ANK2: variants seen among roughly 807,000 people sequenced by gnomAD.
ANK2 encodes ankyrin-2.
ANK2 carries 83 observed loss-of-function variants against 360.5 expected under a neutral mutation model. The ratio of observed to expected loss-of-function variants is 0.23; its 90% CI spans 0.19 to 0.28. The LOEUF is 0.28. Among genes scored for constraint, ANK2 ranks in the 10% least tolerant of loss-of-function variants. ANK2 has a pLI of 1.00. For missense variants in ANK2, 4,201 were observed against 4,795.7 expected (o/e 0.88, Z 3.66); for synonymous variants, 1,740 against 1,759.5 (o/e 0.99, Z 0.28).
At chr4:112,732,186 C>T in the ANK2 span, among the ~76,000 whole-genome samples, 1 of 151,600 alleles carries the variant, frequency 6.6e-6, no homozygotes. Context: ...CTCACAATGA[C>T]TATAAAATGG....
At position 113,382,925 on chromosome 4, in the gene ANK2, C is replaced by T. The variant is rs892813214; in HGVS notation, c.*1454C>T. ...CATTTGTGCACTTCTGTTTGTTTGT[C>T]TCAAAGAAGGGACTGTAACAATCTG... On this transcript the variant is annotated 3_prime_UTR_variant, in exon 46 of 46. Coordinates refer to ENST00000357077, the MANE Select transcript of ANK2 (RefSeq NM_001148.6). 1 of 152,546 alleles carries T rather than the reference C, an allele frequency of 6.6e-6. No individual in the cohort carries two copies. The highest frequency in any genetic ancestry group is 1.5e-5 in the Non-Finnish European group (1 of 68,026). The allele number at this position is 152,546 out of a possible 1,614,324, so 9.4% of individuals were successfully genotyped here. A position where few individuals can be genotyped will look rare whatever the true frequency, so the allele number is the denominator to read the frequency against.
intron 9 of ANK2, among the ~76,000 whole-genome samples, chr4:113,245,364 A>G (rs900090142): frequency 2.0e-5 from 3 of 152,214 alleles, no homozygotes; most frequent in Non-Finnish European, 4.4e-5. Context: ...TGTTTATATT[A>G]ATTAGTTCTC....
chr4:112,954,704 T>C (rs192202314), intron 2 of ANK2, among the ~76,000 whole-genome samples: 1 of 152,324 alleles, frequency 6.6e-6, no homozygotes, highest in Admixed American at 6.5e-5. Context: ...ACAAGGTCTT[T>C]TTAAATTAGA....
chr4:113,135,521 C>CTGTGTGTGTGTGTG (rs72311638), intron 1 of ANK2, among the ~76,000 whole-genome samples: 1 of 148,134 alleles, frequency 6.8e-6, no homozygotes, highest in East Asian at 2.0e-4. Flanking sequence ...GTGTGTGTCT[C>CTGTGTGTGTGTGTG]TCTGTGTGTG....
chr4:112,897,050 G>A (rs980040211), intron 1 of ANK2, among the ~76,000 whole-genome samples: 1 of 152,092 alleles, frequency 6.6e-6, no homozygotes, highest in African/African-American at 2.4e-5. Flanking sequence ...TTTTCCAGCT[G>A]GTGATCTGAC....
intron 1 of ANK2, among the ~76,000 whole-genome samples, chr4:113,158,575 G>A (rs1244962856): frequency 6.6e-6 from 1 of 152,154 alleles, no homozygotes; most frequent in Non-Finnish European, 1.5e-5. Flanking sequence ...ATGCCACAGG[G>A]TTTTAAGGTA....
At chr4:113,153,429 T>C (rs2097165701) in intron 1 of ANK2, among the ~76,000 whole-genome samples, 1 of 152,126 alleles carries the variant, frequency 6.6e-6, no homozygotes, top group Non-Finnish European at 1.5e-5. Context: ...TGAAAACCAC[T>C]GGTTGTTACA....
At chr4:112,870,376 C>T (rs928416852) in intron 1 of ANK2, among the ~76,000 whole-genome samples, 1 of 152,152 alleles carries the variant, frequency 6.6e-6, no homozygotes, top group African/African-American at 2.4e-5. Context: ...GAAACCCTTG[C>T]CTAGTTCAGG....
chr4:113,187,972 T>C (rs2098561416), intron 2 of ANK2, among the ~76,000 whole-genome samples: 1 of 152,216 alleles, frequency 6.6e-6, no homozygotes, highest in Admixed American at 6.5e-5. Flanking sequence ...GTGTATGTGT[T>C]ACATAGTGTG....
the ANK2 span, among the ~76,000 whole-genome samples, chr4:112,729,758 AAAAG>A: frequency 5.3e-5 from 8 of 151,604 alleles, no homozygotes; most frequent in East Asian, 1.2e-3. Context: ...AAAAAAAAAA[AAAAG>A]AAAAGAAAGA....
intron 2 of ANK2, among the ~76,000 whole-genome samples, chr4:112,966,238 T>C (rs1322460302): frequency 6.6e-6 from 1 of 151,714 alleles, no homozygotes; most frequent in Non-Finnish European, 1.5e-5. Flanking sequence ...TAAATTGATA[T>C]CTTCTAACAC....
the ANK2 span, among the ~76,000 whole-genome samples, chr4:112,728,316 A>G: frequency 3.3e-5 from 5 of 150,634 alleles, no homozygotes; most frequent in South Asian, 2.1e-4. Context: ...AAAAAAAAAA[A>G]AAAAGAAAAG....
intron 1 of ANK2, among the ~76,000 whole-genome samples, chr4:113,139,391 CA>C: frequency 6.6e-6 from 1 of 152,258 alleles, no homozygotes; most frequent in African/African-American, 2.4e-5. Context: ...GCTTAGGCTT[CA>C]AAAAATAGCT....
the ANK2 span, among the ~76,000 whole-genome samples, chr4:112,766,650 C>A: frequency 3.3e-5 from 5 of 152,142 alleles, no homozygotes; most frequent in African/African-American, 1.2e-4. Flanking sequence ...AGGCTTATAT[C>A]CCTCTACCCT....
rs1321459546 is a variant in ANK2 at position 113,381,687 on chromosome 4, G to T, written c.*216G>T. The stretch of plus-strand genomic sequence containing the variant: ...CAGAAACCACACATTCACTCAATAT[G>T]CAGCTTCCTGTTTCAGTAGGGGAGT... On this transcript the variant is annotated 3_prime_UTR_variant, in exon 46 of 46. Transcript: ENST00000357077. 6.5e-7 allele frequency: 1 copy of T among 1,528,226 alleles called. No homozygotes were observed. The highest frequency in any genetic ancestry group is 8.8e-7 in the Non-Finnish European group (1 of 1,139,292). 94.7% of individuals were successfully genotyped at this position (1,528,226 alleles called of 1,614,324 possible).
chr4:112,871,316 G>C (rs148200378), intron 1 of ANK2, among the ~76,000 whole-genome samples: 4,075 of 152,160 alleles, frequency 0.027, 70 homozygotes, highest in Middle Eastern at 0.041. Context: ...CTCCCAAGAG[G>C]CTGGGACTAT....
chr4:112,927,477 G>C (rs1446180762), intron 2 of ANK2, among the ~76,000 whole-genome samples: 1 of 152,076 alleles, frequency 6.6e-6, no homozygotes, highest in African/African-American at 2.4e-5. Flanking sequence ...ACATGTCACT[G>C]GATCAGGAGA....
intron 2 of ANK2, among the ~76,000 whole-genome samples, chr4:112,904,849 C>A (rs1325056255): frequency 6.6e-6 from 1 of 152,104 alleles, no homozygotes; most frequent in Non-Finnish European, 1.5e-5. Context: ...TCACCAAAGT[C>A]ATCTATTTTC....
chr4:112,810,495 G>A, the ANK2 span, among the ~76,000 whole-genome samples: 2 of 152,058 alleles, frequency 1.3e-5, no homozygotes, highest in African/African-American at 2.4e-5. Context: ...TATGTGGTGA[G>A]CTATGGCTCA....
Sources: gnomAD v4.1 joint callset for allele counts (sites outside exome capture counted in the v4.1 genomes callset) on GRCh38, gnomAD v4.1.1 for gene constraint, MANE v1.5 for transcripts, NCBI Gene and HGNC (gene_info 2026-07-23, HGNC 2026-07-21) for gene names.